MGAT5: variants seen among roughly 807,000 people sequenced by gnomAD.
MGAT5 encodes alpha-1,6-mannosylglycoprotein 6-beta-N-acetylglucosaminyltransferase.
MGAT5 carries 30 observed loss-of-function variants against 94.3 expected under a neutral mutation model. That is an observed-to-expected ratio of 0.32 (90% CI 0.24 to 0.43). The LOEUF (loss-of-function observed/expected upper bound fraction) is 0.43, where lower values mean the gene tolerates loss of function less well. Ranked by LOEUF, MGAT5 falls within the 20% of genes least tolerant of loss-of-function variation. The pLI is 1.00. For missense variants in MGAT5, 691 were observed against 905.5 expected (o/e 0.76, Z 3.04); for synonymous variants, 310 against 322.9 (o/e 0.96, Z 0.43).
At chr2:134,189,607 T>TTTTTTTTTTTTTTTTTTTG (rs1553490420) in intron 1 of MGAT5, among the ~76,000 whole-genome samples, 5 of 80,618 alleles carry the variant, frequency 6.2e-5, no homozygotes, top group Non-Finnish European at 9.3e-5. Flanking sequence ...TTTTTGTTTT[T>TTTTTTTTTTTTTTTTTTTG]TTTTTTTTTT....
intron 1 of MGAT5, among the ~76,000 whole-genome samples, chr2:134,257,935 T>G (rs1241725910): frequency 6.7e-6 from 1 of 149,488 alleles, no homozygotes; most frequent in Non-Finnish European, 1.5e-5. Context: ...ATGGCTAGGA[T>G]TTGTGTCTGG....
At chr2:134,186,141 G>A (rs1689008153) in intron 1 of MGAT5, among the ~76,000 whole-genome samples, 1 of 152,254 alleles carries the variant, frequency 6.6e-6, no homozygotes, top group African/African-American at 2.4e-5. Context: ...CCTCAATCCT[G>A]CCTGTCTCCC....
At chr2:134,248,005 C>A in intron 1 of MGAT5, among the ~76,000 whole-genome samples, 1 of 152,126 alleles carries the variant, frequency 6.6e-6, no homozygotes, top group East Asian at 1.9e-4. Flanking sequence ...CACTGCCCTG[C>A]CCCCCTAGAA....
At chr2:134,149,896 G>C (rs957507676) in intron 1 of MGAT5, among the ~76,000 whole-genome samples, 1 of 152,206 alleles carries the variant, frequency 6.6e-6, no homozygotes, top group Non-Finnish European at 1.5e-5. Flanking sequence ...TGCCCAGAAG[G>C]AGCTATAGTC....
chr2:134,265,529 G>C (rs1388299027), intron 1 of MGAT5, among the ~76,000 whole-genome samples: 1 of 152,194 alleles, frequency 6.6e-6, no homozygotes, highest in African/African-American at 2.4e-5. Flanking sequence ...ATGCTGGCAT[G>C]ATAGAAACCA....
At chr2:134,384,082 A>C (rs1048801853) in intron 10 of MGAT5, among the ~76,000 whole-genome samples, 2 of 152,140 alleles carry the variant, frequency 1.3e-5, no homozygotes, top group Admixed American at 6.5e-5. Context: ...TGTCCCATAA[A>C]GTTTCAGTGG....
At chr2:134,231,359 A>C (rs1265711753) in intron 1 of MGAT5, 3 of 152,200 alleles carry the variant, frequency 2.0e-5, no homozygotes, top group Non-Finnish European at 2.9e-5. Flanking sequence ...GTATATTTTA[A>C]GTTGGTTAAT....
intron 1 of MGAT5, among the ~76,000 whole-genome samples, chr2:134,230,085 C>T (rs1681283433): frequency 6.6e-6 from 1 of 152,150 alleles, no homozygotes; most frequent in East Asian, 1.9e-4. Flanking sequence ...CTTTTTGGCA[C>T]CAGGGACTGG....
intron 10 of MGAT5, among the ~76,000 whole-genome samples, chr2:134,370,971 A>G (rs1020283976): frequency 1.3e-5 from 2 of 152,182 alleles, no homozygotes; most frequent in African/African-American, 4.8e-5. Flanking sequence ...CTAGGAGCCC[A>G]TGGGACCCGG....
At chr2:134,340,657 G>C (rs184373961) in intron 6 of MGAT5, among the ~76,000 whole-genome samples, 2 of 152,244 alleles carry the variant, frequency 1.3e-5, no homozygotes, top group Admixed American at 1.3e-4. Context: ...ACCTCAGGGT[G>C]ACCAAATGGT....
intron 2 of MGAT5, among the ~76,000 whole-genome samples, chr2:134,301,141 G>A (rs1440968979): frequency 6.6e-6 from 1 of 152,030 alleles, no homozygotes; most frequent in Non-Finnish European, 1.5e-5. Context: ...GCAGAGTCCG[G>A]CCTCTTTTTC....
At chr2:134,199,825 T>C (rs890976116) in intron 1 of MGAT5, among the ~76,000 whole-genome samples, 5 of 152,120 alleles carry the variant, frequency 3.3e-5, no homozygotes, top group African/African-American at 1.2e-4. Flanking sequence ...CTACTATCCA[T>C]TGTTGCTCAT....
At chr2:134,364,852 C>T (rs964109474) in intron 10 of MGAT5, among the ~76,000 whole-genome samples, 7 of 152,242 alleles carry the variant, frequency 4.6e-5, no homozygotes, top group Non-Finnish European at 1.0e-4. Flanking sequence ...AATTTAGTTT[C>T]TTTTTCCAAA....
chr2:134,304,062 C>A (rs1686187268), intron 2 of MGAT5, among the ~76,000 whole-genome samples: 1 of 152,170 alleles, frequency 6.6e-6, no homozygotes, highest in Admixed American at 6.5e-5. Flanking sequence ...ATTGCCAATG[C>A]ATAGTTTCTC....
chr2:134,270,875 A>G (rs933759627), intron 2 of MGAT5, among the ~76,000 whole-genome samples: 6 of 152,198 alleles, frequency 3.9e-5, no homozygotes, highest in African/African-American at 1.4e-4. Flanking sequence ...TGTGCCTTTT[A>G]GAGTTCTTCC....
intron 1 of MGAT5, among the ~76,000 whole-genome samples, chr2:134,246,167 T>TGAA (rs375231070): frequency 7.7e-6 from 1 of 130,530 alleles, no homozygotes; most frequent in Non-Finnish European, 1.6e-5. Flanking sequence ...TTCCTGTTTA[T>TGAA]AAAAAAAAAA....
chr2:134,344,961 G>C lies in MGAT5; in HGVS notation c.1009G>C (p.Gly337Arg). The C allele has an allele frequency of 1.2e-6, 2 of 1,613,468 alleles. No homozygotes were observed. Among genetic ancestry groups the C allele is most frequent in the Non-Finnish European group, 1.7e-6 (2 of 1,179,632 alleles). The change falls in exon 8 of 16, where the codon GGC becomes CGC. Residue 337 changes from glycine to arginine, a missense_variant. By Grantham distance (125) the Gly-to-Arg change is moderately radical. This residue lies in a region of MGAT5 where 121 missense variants were observed against 206.1 expected (regional missense o/e 0.59). Transcript: ENST00000281923. ...IMKKVVGNRSGCPTVGDRIVE... is the reference protein window; with the variant it reads ...IMKKVVGNRSRCPTVGDRIVE... ...GAAGAAGGTTGTAGGAAACCGATCTGGCTGCCCAACTGTAGGAGACAGAAT... is the reference window on the plus strand; with the variant it reads ...GAAGAAGGTTGTAGGAAACCGATCTCGCTGCCCAACTGTAGGAGACAGAAT...
intron 2 of MGAT5, among the ~76,000 whole-genome samples, chr2:134,309,000 C>T (rs923950934): frequency 2.0e-5 from 3 of 152,224 alleles, no homozygotes; most frequent in Non-Finnish European, 4.4e-5. Context: ...TCCCTTTCCT[C>T]AACCCTAAAC....
intron 2 of MGAT5, among the ~76,000 whole-genome samples, chr2:134,308,904 T>G (rs1686490170): frequency 6.6e-6 from 1 of 152,120 alleles, no homozygotes; most frequent in Admixed American, 6.5e-5. Flanking sequence ...GATGTGGCTT[T>G]CAGTATATTC....
Sources: allele counts gnomAD v4.1 joint callset (sites outside exome capture counted in the v4.1 genomes callset), GRCh38; gene constraint gnomAD v4.1.1; regional missense constraint gnomAD v4.1.1; transcripts MANE v1.5; gene names NCBI Gene and HGNC (gene_info 2026-07-23, HGNC 2026-07-21).